APBB2: variants seen among roughly 807,000 people sequenced by gnomAD.
APBB2 encodes the protein amyloid beta precursor protein binding family B member 2.
A neutral mutation model predicts 82.5 loss-of-function variants in APBB2; 38 were observed. The ratio of observed to expected loss-of-function variants is 0.46; its 90% CI spans 0.36 to 0.60. APBB2 has a LOEUF of 0.60. Ranked by LOEUF, APBB2 falls within the 20% of genes least tolerant of loss-of-function variation. The pLI is 0.00. For missense variants in APBB2, 772 were observed against 972.3 expected, an observed-to-expected ratio of 0.79 and a Z score of 2.74; for synonymous variants, 341 against 368.2, an observed-to-expected ratio of 0.93 and a Z score of 0.85.
intron 10 of APBB2, among the ~76,000 whole-genome samples, chr4:40,932,871 T>C (rs1784551691): frequency 6.6e-6 from 1 of 151,376 alleles, no homozygotes; most frequent in African/African-American, 2.5e-5. Context: ...TGTTTTGTTT[T>C]GTTTTGTTTC....
chr4:40,832,214 T>C lies in APBB2; in HGVS notation c.1530-1637A>G, dbSNP rs148386506. Among the ~76,000 whole-genome samples, 1,680 of 152,254 alleles carry C rather than the reference T, an allele frequency of 0.011. 15 individuals carry two copies. The highest frequency in any genetic ancestry group is 0.037 in the Middle Eastern group (11 of 294). On this transcript the variant is annotated intron_variant, in intron 12 of 17. Transcript: ENST00000508593. This position sits in a 1 kb window ranked among gnomAD's most constrained non-coding sequence, Gnocchi z 4.8. ...TTTTCATAGACTATGATGGATACTT[T>C]CCCCAAGAAAGCCTTGGCGGCCTTG... is the stretch of plus-strand genomic sequence containing the variant.
At chr4:40,996,703 A>G (rs1229733705) in intron 6 of APBB2, among the ~76,000 whole-genome samples, 1 of 151,998 alleles carries the variant, frequency 6.6e-6, no homozygotes, top group Non-Finnish European at 1.5e-5. Flanking sequence ...CTCCCTCTCC[A>G]CCCACATCCA....
chr4:40,885,051 T>C (rs540665710), intron 12 of APBB2, among the ~76,000 whole-genome samples: 11 of 152,332 alleles, frequency 7.2e-5, no homozygotes, highest in African/African-American at 2.6e-4. Context: ...GGCTACACAA[T>C]CTGTAAGCAT....
In APBB2 at chr4:41,111,207, TCACTCACCTGC is replaced by T. The variant is rs1250124086; in HGVS notation, c.-260-10468_-260-10458del. Among the ~76,000 whole-genome samples the T allele has an allele frequency of 2.0e-5, 3 of 152,240 alleles. No homozygotes were observed. The East Asian group carries it at 5.8e-4, about 29-fold the overall frequency. On this transcript the variant is annotated intron_variant, in intron 2 of 17. Coordinates refer to ENST00000508593, the MANE Select transcript of APBB2 (RefSeq NM_004307.2). ...GCTGGAAATATAGATTAAGCTTTCC[TCACTCACCTGC>T]CACTCACCTCCTGCTGTGCAGCCCT...
At chr4:40,930,816 C>T (rs1024309538) in intron 10 of APBB2, among the ~76,000 whole-genome samples, 12 of 152,128 alleles carry the variant, frequency 7.9e-5, no homozygotes, top group East Asian at 1.9e-4. Flanking sequence ...GGCACAATCT[C>T]GGCTCACTGC....
chr4:40,955,838 T>C (rs1791496543), intron 6 of APBB2, among the ~76,000 whole-genome samples: 1 of 152,084 alleles, frequency 6.6e-6, no homozygotes, highest in African/African-American at 2.4e-5. Context: ...TGCAATGGCA[T>C]GATCTCGGCT....
chr4:41,133,574 G>A (rs752625262), intron 2 of APBB2, among the ~76,000 whole-genome samples: 64 of 152,156 alleles, frequency 4.2e-4, no homozygotes, highest in Non-Finnish European at 8.1e-4. Flanking sequence ...TAACCTTTCC[G>A]TTTATTAGTT....
intron 6 of APBB2, among the ~76,000 whole-genome samples, chr4:41,001,808 G>A (rs1336155340): frequency 1.3e-5 from 2 of 151,854 alleles, no homozygotes; most frequent in Admixed American, 6.6e-5. Context: ...AACCCGGGAG[G>A]CAGAGCTTGC....
At chr4:40,864,412 G>T (rs1763555878) in intron 12 of APBB2, among the ~76,000 whole-genome samples, 2 of 152,074 alleles carry the variant, frequency 1.3e-5, no homozygotes, top group African/African-American at 4.8e-5. Flanking sequence ...CTCACGTAAG[G>T]ATGTGCCCTT....
intron 5 of APBB2, among the ~76,000 whole-genome samples, chr4:41,029,306 C>T (rs1715746775): frequency 6.6e-6 from 1 of 152,182 alleles, no homozygotes; most frequent in African/African-American, 2.4e-5. Flanking sequence ...CGAAACTACT[C>T]ATGAAAGGAA....
chr4:40,931,397 G>T (rs1784201919), intron 10 of APBB2, among the ~76,000 whole-genome samples: 1 of 152,044 alleles, frequency 6.6e-6, no homozygotes, highest in African/African-American at 2.4e-5. Flanking sequence ...CGGTCTCCCA[G>T]GTAGCTGGGA....
intron 1 of APBB2, among the ~76,000 whole-genome samples, chr4:41,189,539 C>G (rs1773832562): frequency 6.6e-6 from 1 of 152,166 alleles, no homozygotes; most frequent in African/African-American, 2.4e-5. Flanking sequence ...ATTACAGTGA[C>G]AGTAAATCCC....
chr4:41,089,800 A>G (rs1020499863), intron 3 of APBB2, among the ~76,000 whole-genome samples: 4 of 152,174 alleles, frequency 2.6e-5, no homozygotes, highest in Non-Finnish European at 4.4e-5. Context: ...ACAAGTCACT[A>G]TGGGATCTGA....
At chr4:41,037,843 C>T (rs553840233) in intron 4 of APBB2, among the ~76,000 whole-genome samples, 16 of 152,106 alleles carry the variant, frequency 1.1e-4, no homozygotes, top group African/African-American at 3.9e-4. Flanking sequence ...CATGTGAAAC[C>T]CCATCTCTAC....
intron 12 of APBB2, among the ~76,000 whole-genome samples, chr4:40,868,459 C>T (rs780761923): frequency 3.3e-5 from 5 of 152,158 alleles, no homozygotes; most frequent in Non-Finnish European, 7.3e-5. Context: ...CACAATGATC[C>T]AGTAACCAAT....
chr4:41,094,607 CA>C (rs1320510339), intron 3 of APBB2, among the ~76,000 whole-genome samples: 1 of 152,206 alleles, frequency 6.6e-6, no homozygotes, highest in African/African-American at 2.4e-5. Flanking sequence ...CTTTGTCACC[CA>C]GGCTGGAGAG....
At chr4:41,197,678 G>A in intron 1 of APBB2, among the ~76,000 whole-genome samples, 1 of 152,078 alleles carries the variant, frequency 6.6e-6, no homozygotes, top group Non-Finnish European at 1.5e-5. Context: ...TGCCTTTGTT[G>A]CCTGGCAAAC....
intron 1 of APBB2, among the ~76,000 whole-genome samples, chr4:41,171,544 G>T (rs527895950): frequency 2.8e-4 from 42 of 152,354 alleles, no homozygotes; most frequent in Non-Finnish European, 5.4e-4. Flanking sequence ...GCTCAGCAAA[G>T]GTCTAGTGAC....
chr4:41,145,930 T>G (rs1251354113), intron 1 of APBB2, among the ~76,000 whole-genome samples: 1 of 152,176 alleles, frequency 6.6e-6, no homozygotes, highest in Non-Finnish European at 1.5e-5. Context: ...TGACTCATAC[T>G]TGTAATCCTA....
Sources: gnomAD v4.1 joint callset for allele counts (sites outside exome capture counted in the v4.1 genomes callset) on GRCh38, gnomAD v4.1.1 for gene constraint, Gnocchi (gnomAD v3.1) non-coding constraint, MANE v1.5 for transcripts, NCBI Gene and HGNC (gene_info 2026-07-23, HGNC 2026-07-21) for gene names.